The following CCPG1 variants were observed in gnomAD, a reference collection of about 807,000 sequenced individuals.
CCPG1 encodes cell cycle progression 1, also known as cell cycle progression protein 1.
CCPG1 carries 46 observed loss-of-function variants against 81.3 expected under a neutral mutation model. The ratio of observed to expected loss-of-function variants is 0.57; its 90% CI spans 0.45 to 0.72. The LOEUF (loss-of-function observed/expected upper bound fraction) is 0.72, where lower values mean the gene tolerates loss of function less well. Ranked by LOEUF, CCPG1 falls within the 30% of genes least tolerant of loss-of-function variation. The probability of loss-of-function intolerance (pLI) is 0.00; values close to 1 mark genes in which losing one functional copy is unlikely to be tolerated. For missense variants in CCPG1, 902 were observed against 937.6 expected (o/e 0.96, Z 0.50); for synonymous variants, 330 against 305.2 (o/e 1.08, Z -0.85).
At chr15:55,404,835 G>C (rs767981488) in intron 1 of CCPG1, among the ~76,000 whole-genome samples, 3 of 152,172 alleles carry the variant, frequency 2.0e-5, no homozygotes, top group African/African-American at 7.2e-5. Context: ...ACTTCGGGAG[G>C]CCCAGGCAAC....
chr15:55,383,548 T>A (rs2056742583), intron 3 of CCPG1, among the ~76,000 whole-genome samples: 1 of 152,232 alleles, frequency 6.6e-6, no homozygotes, highest in South Asian at 2.1e-4. Context: ...CTAGATGGCA[T>A]CTTCTTCCAA....
intron 1 of CCPG1, among the ~76,000 whole-genome samples, chr15:55,396,824 C>T (rs2057025722): frequency 6.6e-6 from 1 of 152,104 alleles, no homozygotes; most frequent in South Asian, 2.1e-4. Flanking sequence ...GAAATAGTAG[C>T]TATAAAGCTG....
rs957557912 is a variant in CCPG1, at chr15:55,397,407, C to T, written c.-9-7974G>A. Among the ~76,000 whole-genome samples, 3 of 148,892 alleles carry T rather than the reference C, an allele frequency of 2.0e-5. 1 individual carries two copies. Among genetic ancestry groups the T allele is most frequent in the African/African-American group, 7.8e-5 (3 of 38,506 alleles). ...TCACTCTGGCTACCTACTGGGACAG[C>T]ATTGTGGGGGAGCAAAGGCAGAAGC... On this transcript the variant is annotated intron_variant, in intron 1 of 8. Coordinates refer to ENST00000442196, the MANE Select transcript of CCPG1 (RefSeq NM_001204450.2).
intron 3 of CCPG1, among the ~76,000 whole-genome samples, chr15:55,385,273 C>T (rs2056776909): frequency 6.6e-6 from 1 of 152,194 alleles, no homozygotes; most frequent in East Asian, 1.9e-4. Context: ...TCAAGCGATT[C>T]TCCTGCCTCA....
At chr15:55,406,436 C>CTTTTTTTT (rs143238270) in intron 1 of CCPG1, among the ~76,000 whole-genome samples, 93 of 126,270 alleles carry the variant, frequency 7.4e-4, no homozygotes, top group East Asian at 1.2e-3. Flanking sequence ...TTCTTTTTCT[C>CTTTTTTTT]TTTTTTTTTT....
chr15:55,391,503 T>C (rs887740780), intron 1 of CCPG1, among the ~76,000 whole-genome samples: 6 of 152,270 alleles, frequency 3.9e-5, no homozygotes, highest in Non-Finnish European at 7.3e-5. Flanking sequence ...TGTCTATTTG[T>C]ATGAGAATCA....
intron 5 of CCPG1, among the ~76,000 whole-genome samples, chr15:55,374,438 C>G (rs1460980829): frequency 6.6e-6 from 1 of 152,022 alleles, no homozygotes; most frequent in East Asian, 1.9e-4. Context: ...TGCTTTTTGT[C>G]AGGGAAGAGA....
At chr15:55,391,775 G>A (rs543719660) in intron 1 of CCPG1, among the ~76,000 whole-genome samples, 20 of 151,124 alleles carry the variant, frequency 1.3e-4, no homozygotes, top group Non-Finnish European at 1.6e-4. Context: ...AAGATCCCTT[G>A]AGGCCAGGAG....
chr15:55,402,228 T>C (rs984750538), intron 1 of CCPG1, among the ~76,000 whole-genome samples: 2 of 152,338 alleles, frequency 1.3e-5, no homozygotes, highest in South Asian at 4.1e-4. Flanking sequence ...GTCTTTATTA[T>C]AGCTTTATTT....
intron 6 of CCPG1, among the ~76,000 whole-genome samples, chr15:55,366,977 A>C (rs2056343889): frequency 6.6e-6 from 1 of 152,220 alleles, no homozygotes; most frequent in Admixed American, 6.5e-5. Context: ...GAAAGGATGC[A>C]GTGATCACTA....
Position 55,384,666 on chromosome 15 carries a change from T to A in CCPG1, c.175+934A>T, listed in dbSNP as rs190605812. The stretch of plus-strand genomic sequence containing the variant: ...GCGAAACTCCGCCAATTCAATTCAA[T>A]AAAATAAAATAAAAATAAATGAAAT... On this transcript the variant is annotated intron_variant, in intron 3 of 8. Coordinates refer to ENST00000442196, the MANE Select transcript of CCPG1 (RefSeq NM_001204450.2). Among the ~76,000 whole-genome samples, 603 of 151,932 alleles carry A rather than the reference T, an allele frequency of 4.0e-3. 2 individuals are homozygous for A. Among genetic ancestry groups the A allele is most frequent in the Non-Finnish European group, 6.9e-3 (471 of 67,970 alleles).
intron 3 of CCPG1, among the ~76,000 whole-genome samples, chr15:55,381,000 G>A (rs1247137748): frequency 6.6e-6 from 1 of 152,038 alleles, no homozygotes; most frequent in Non-Finnish European, 1.5e-5. Context: ...AGCCGAGCGT[G>A]GTGGTGGGCA....
chr15:55,372,640 C>G lies in CCPG1; in HGVS notation c.455-596G>C, dbSNP rs2056476625. On this transcript the variant is annotated intron_variant, in intron 5 of 8. Coordinates refer to ENST00000442196, the MANE Select transcript of CCPG1 (RefSeq NM_001204450.2). ...TGCCACTATACTCCAGACTGGGAGACAGAGCAAAACTCTGTCTCAAAAGAA... is the reference window on the plus strand; with the variant it reads ...TGCCACTATACTCCAGACTGGGAGAGAGAGCAAAACTCTGTCTCAAAAGAA... 7 of 223,594 alleles carry G rather than the reference C, an allele frequency of 3.1e-5. 1 individual carries two copies. In the Admixed American group the frequency reaches 3.8e-4, roughly 12 times the overall value. 13.9% of individuals were successfully genotyped at this position (223,594 alleles called of 1,614,324 possible). A position where few individuals can be genotyped will look rare whatever the true frequency, so the allele number is the denominator to read the frequency against.
At chr15:55,367,733 A>G (rs1310137963) in intron 6 of CCPG1, among the ~76,000 whole-genome samples, 2 of 152,114 alleles carry the variant, frequency 1.3e-5, no homozygotes, top group African/African-American at 4.8e-5. Context: ...CATCTGGCAA[A>G]ACTTCCCCAG....
intron 5 of CCPG1, among the ~76,000 whole-genome samples, chr15:55,373,422 A>G (rs2056495551): frequency 6.6e-6 from 1 of 152,208 alleles, no homozygotes; most frequent in Non-Finnish European, 1.5e-5. Flanking sequence ...AGGTTAGGCA[A>G]TATTTTTCAG....
chr15:55,357,279 T>G (rs903854161), intron 8 of CCPG1: 8 of 978,674 alleles, frequency 8.2e-6, no homozygotes, highest in Non-Finnish European at 9.7e-6. Context: ...CACTGTTACT[T>G]TCTACTTCTC....
chr15:55,391,895 G>T (rs868449835), intron 1 of CCPG1, among the ~76,000 whole-genome samples: 1 of 121,144 alleles, frequency 8.3e-6, no homozygotes, highest in African/African-American at 2.8e-5. Context: ...AAAGGGGGGG[G>T]GGGGCTAGGT....
At chr15:55,403,272 T>C (rs868653146) in intron 1 of CCPG1, among the ~76,000 whole-genome samples, 3 of 152,178 alleles carry the variant, frequency 2.0e-5, no homozygotes, top group African/African-American at 7.2e-5. Context: ...TTATAAATAA[T>C]AACTTCCTCA....
chr15:55,391,932 C>T (rs977589964), intron 1 of CCPG1, among the ~76,000 whole-genome samples: 19 of 123,026 alleles, frequency 1.5e-4, no homozygotes, highest in Non-Finnish European at 9.6e-5. Context: ...GTAACCCCAA[C>T]ACGGAGAGGC....
Sources: gnomAD v4.1 joint callset for allele counts (sites outside exome capture counted in the v4.1 genomes callset) on GRCh38, gnomAD v4.1.1 for gene constraint, MANE v1.5 for transcripts, NCBI Gene and HGNC (gene_info 2026-07-23, HGNC 2026-07-21) for gene names.